The following ANAPC1 variants were observed in gnomAD, a reference collection of about 807,000 sequenced individuals.
ANAPC1 encodes the protein anaphase promoting complex subunit 1.
ANAPC1 carries 36 observed loss-of-function variants against 208.0 expected under a neutral mutation model. That is an observed-to-expected ratio of 0.17 (90% CI 0.13 to 0.23). ANAPC1 has a LOEUF of 0.23. Ranked by LOEUF, ANAPC1 falls within the 10% of genes least tolerant of loss-of-function variation. ANAPC1 has a pLI of 1.00. For missense variants in ANAPC1, 942 were observed against 2,011.6 expected, an observed-to-expected ratio of 0.47 and a Z score of 10.17; for synonymous variants, 378 against 695.2, an observed-to-expected ratio of 0.54 and a Z score of 7.18.
chr2:111,853,343 T>G (rs1400514940), intron 13 of ANAPC1, among the ~76,000 whole-genome samples: 2 of 152,200 alleles, frequency 1.3e-5, no homozygotes, highest in African/African-American at 4.8e-5. Flanking sequence ...AGTGGCCTAG[T>G]GGGATTTAAA....
intron 34 of ANAPC1, 72 bp from the exon 35 acceptor site, chr2:111,794,966 A>C (rs1678084115): frequency 1.7e-6 from 2 of 1,186,002 alleles, no homozygotes; most frequent in Non-Finnish European, 2.4e-6. Flanking sequence ...TCTGAAGAAT[A>C]ACATACTGCT....
At chr2:111,771,765 T>C (rs996660814) in intron 47 of ANAPC1, among the ~76,000 whole-genome samples, 1 of 152,020 alleles carries the variant, frequency 6.6e-6, no homozygotes, top group African/African-American at 2.4e-5. Context: ...GGAACAATCT[T>C]TGCCCTTATC....
In ANAPC1 at chr2:111,768,218, T is replaced by C. The variant is rs1214099232; in HGVS notation, c.*1073A>G. 2.0e-5 allele frequency: 3 copies of C among 152,244 alleles called. No homozygotes were observed. Among genetic ancestry groups the C allele is most frequent in the African/African-American group, 7.2e-5 (3 of 41,446 alleles). 9.4% of individuals were successfully genotyped at this position (152,244 alleles called of 1,614,324 possible). ...CAACTCGAAGCTGGAGGTGCCTTTATATGAACATTTTTCATCATCATCTAG... is the reference window on the plus strand; with the variant it reads ...CAACTCGAAGCTGGAGGTGCCTTTACATGAACATTTTTCATCATCATCTAG... On this transcript the variant is annotated 3_prime_UTR_variant, in exon 48 of 48. Transcript: ENST00000341068.
intron 7 of ANAPC1, 139 bp downstream of exon 7, chr2:111,867,884 A>G (rs1336864320): frequency 2.0e-5 from 11 of 540,300 alleles, no homozygotes; most frequent in Non-Finnish European, 3.6e-5. Flanking sequence ...GATATTCAAG[A>G]AAGTCAAAAT....
intron 2 of ANAPC1, among the ~76,000 whole-genome samples, chr2:111,879,382 C>G (rs551546515): frequency 5.3e-5 from 8 of 152,186 alleles, no homozygotes; most frequent in African/African-American, 1.7e-4. Context: ...CTTCCTGCTT[C>G]GCAATCACAT....
intron 24 of ANAPC1, among the ~76,000 whole-genome samples, chr2:111,823,049 G>A (rs2685962): frequency 4.6e-4 from 50 of 109,176 alleles, no homozygotes; most frequent in African/African-American, 1.7e-3. Context: ...TCGCTCTGTC[G>A]CCCAGGATGG....
At chr2:111,870,528 T>C (rs1020211313) in intron 6 of ANAPC1, among the ~76,000 whole-genome samples, 3 of 152,258 alleles carry the variant, frequency 2.0e-5, no homozygotes, top group Admixed American at 1.3e-4. Context: ...GAGAACTGTC[T>C]ATTCATGTCC....
At chr2:111,858,576 C>T (rs1325537187) in intron 10 of ANAPC1, among the ~76,000 whole-genome samples, 175 bp from the exon 11 acceptor site, 3 of 151,878 alleles carry the variant, frequency 2.0e-5, no homozygotes, top group South Asian at 2.1e-4. Flanking sequence ...CTGGCTAACA[C>T]GGTGAAATCC....
At chr2:111,851,680 G>A (rs1475592980) in intron 13 of ANAPC1, among the ~76,000 whole-genome samples, 15 of 151,816 alleles carry the variant, frequency 9.9e-5, no homozygotes, top group South Asian at 2.1e-4. Context: ...GCGTGGTGGC[G>A]GGCGCCTGTA....
chr2:111,831,654 T>A (rs1190175224), intron 20 of ANAPC1, among the ~76,000 whole-genome samples: 4 of 151,754 alleles, frequency 2.6e-5, no homozygotes, highest in Non-Finnish European at 5.9e-5. Context: ...CTGGCCAATA[T>A]GGTGAAACCC....
At chr2:111,829,966 A>G (rs1680046164) in intron 21 of ANAPC1, among the ~76,000 whole-genome samples, 1 of 152,132 alleles carries the variant, frequency 6.6e-6, no homozygotes, top group Non-Finnish European at 1.5e-5. Flanking sequence ...GCTATTTGGG[A>G]GGCTGAGGCA....
At chr2:111,842,485 TA>T (rs1680816793) in intron 17 of ANAPC1, among the ~76,000 whole-genome samples, 1 of 151,656 alleles carries the variant, frequency 6.6e-6, no homozygotes, top group African/African-American at 2.4e-5. Flanking sequence ...CTACTAAAAA[TA>T]CAAAAAATCA....
At chr2:111,819,579 T>C (rs2104424068) in intron 26 of ANAPC1, among the ~76,000 whole-genome samples, 1 of 145,278 alleles carries the variant, frequency 6.9e-6, no homozygotes, top group South Asian at 2.3e-4. Context: ...AAATGGTTTC[T>C]GTTGGCTCTA....
intron 34 of ANAPC1, among the ~76,000 whole-genome samples, chr2:111,800,226 G>C (rs1379496451): frequency 1.4e-5 from 2 of 145,912 alleles, no homozygotes; most frequent in South Asian, 4.5e-4. Context: ...TTCAATCTTT[G>C]AGATTTTTCT....
At chr2:111,837,678 G>A (rs572026139) in intron 18 of ANAPC1, among the ~76,000 whole-genome samples, 4 of 151,770 alleles carry the variant, frequency 2.6e-5, no homozygotes, top group South Asian at 2.1e-4. Flanking sequence ...TTATAGGAGT[G>A]TAGGTTACAT....
intron 34 of ANAPC1, among the ~76,000 whole-genome samples, chr2:111,800,441 G>A (rs1473951451): frequency 1.5e-5 from 2 of 134,038 alleles, no homozygotes; most frequent in South Asian, 2.4e-4. Context: ...AAATTGTCAC[G>A]AAGTAAAATA....
chr2:111,844,767 G>A (rs1003703435), intron 16 of ANAPC1, among the ~76,000 whole-genome samples: 2 of 152,120 alleles, frequency 1.3e-5, no homozygotes, highest in African/African-American at 4.8e-5. Context: ...CTTTATTTCT[G>A]AGGTCGTTCA....
intron 13 of ANAPC1, among the ~76,000 whole-genome samples, chr2:111,851,230 G>C (rs1210650358): frequency 1.3e-5 from 2 of 151,994 alleles, no homozygotes; most frequent in Non-Finnish European, 2.9e-5. Context: ...AGCCTCCTGA[G>C]TAGCTGGAAC....
In ANAPC1 at chr2:111,834,864, T is replaced by G. The variant is rs748248059; in HGVS notation, c.2124A>C (p.Glu708Asp). 4 of 1,589,346 alleles carry G rather than the reference T, an allele frequency of 2.5e-6. No individual in the cohort carries two copies. In the African/African-American group the frequency reaches 4.1e-5, roughly 16 times the overall value. ...GGTGGTAGTCTGAATTTAGTAAATA[T>G]TCCCAGTCCTGAGAAGAATAAAAAG... The part of the protein sequence containing the change: ...PSETGSDDDW[E>D]YLLNSDYHQN... The change falls in exon 19 of 48, where the codon GAA becomes GAC. Residue 708 changes from glutamate (E) to aspartate (D), a missense_variant. Physicochemically the swap from Glu to Asp is conservative, Grantham distance 45. Coordinates refer to ENST00000341068, the MANE Select transcript of ANAPC1 (RefSeq NM_022662.4).
Sources: gnomAD v4.1 joint callset for allele counts (sites outside exome capture counted in the v4.1 genomes callset) on GRCh38, gnomAD v4.1.1 for gene constraint, MANE v1.5 for transcripts, NCBI Gene and HGNC (gene_info 2026-07-23, HGNC 2026-07-21) for gene names.